The following PRTG variants were observed in gnomAD, a reference collection of about 807,000 sequenced individuals.
PRTG encodes immunoglobulin superfamily, DCC subclass, member 5.
In PRTG, 67 loss-of-function variants were observed where a neutral mutation model predicts 122.5. The ratio of observed to expected loss-of-function variants is 0.55; its 90% CI spans 0.45 to 0.67. The LOEUF is 0.67. Among genes scored for constraint, PRTG ranks in the 30% least tolerant of loss-of-function variants. PRTG has a pLI of 0.00. For missense variants in PRTG, 1,435 were observed against 1,415.4 expected (o/e 1.01, Z -0.22); for synonymous variants, 554 against 501.1 (o/e 1.11, Z -1.41).
At chr15:55,735,718 T>TAA (rs35182605) in intron 2 of PRTG, among the ~76,000 whole-genome samples, 3,009 of 114,146 alleles carry the variant, frequency 0.026, 75 homozygotes, top group Admixed American at 0.047. Context: ...CATGCTTTGC[T>TAA]AAAAAAAAAA....
intron 2 of PRTG, among the ~76,000 whole-genome samples, chr15:55,710,964 T>C (rs1595669543): frequency 6.6e-6 from 1 of 152,146 alleles, no homozygotes; most frequent in Middle Eastern, 3.4e-3. Flanking sequence ...TGGAGTACAA[T>C]GGCATGATCT....
chr15:55,738,440 T>G, intron 2 of PRTG: 1 of 700,632 alleles, frequency 1.4e-6, no homozygotes, highest in Non-Finnish European at 2.6e-6. Flanking sequence ...TGTGTGGTCA[T>G]GACAAATGCT....
intron 11 of PRTG, among the ~76,000 whole-genome samples, chr15:55,656,726 T>G (rs1005595043): frequency 6.6e-6 from 1 of 152,238 alleles, no homozygotes; most frequent in Non-Finnish European, 1.5e-5. Context: ...GCCAGGATGG[T>G]CTCGATCTCC....
intron 2 of PRTG, among the ~76,000 whole-genome samples, chr15:55,686,204 C>T (rs1005314416): frequency 2.0e-5 from 3 of 151,992 alleles, no homozygotes; most frequent in Admixed American, 6.6e-5. Context: ...CCTACATTTC[C>T]GTAAATATAA....
rs1384532780 is a variant in PRTG at position 55,642,509 on chromosome 15, T to TG, written c.2042-1302dup. ...GCACATGCCAGTAATCCCAGCTACTTGAGGAGACTAAGACAGGAGAATCGC... is the reference window on the plus strand; with the variant it reads ...GCACATGCCAGTAATCCCAGCTACTTGGAGGAGACTAAGACAGGAGAATCGC... On this transcript the variant is annotated intron_variant, in intron 11 of 19. Coordinates refer to ENST00000389286, the MANE Select transcript of PRTG (RefSeq NM_173814.6). 2.0e-5 allele frequency among the ~76,000 whole-genome samples: 3 copies of TG among 149,776 alleles called. No homozygotes were observed. In the Admixed American group the frequency reaches 2.0e-4, roughly 10 times the overall value.
intron 11 of PRTG, among the ~76,000 whole-genome samples, chr15:55,658,515 A>C (rs1174458398): frequency 1.3e-5 from 2 of 152,002 alleles, no homozygotes; most frequent in Non-Finnish European, 2.9e-5. Context: ...ATGGGGCTTC[A>C]CTATGTTGGC....
intron 17 of PRTG, among the ~76,000 whole-genome samples, chr15:55,624,874 T>C (rs1201048294): frequency 2.0e-5 from 3 of 152,224 alleles, no homozygotes; most frequent in African/African-American, 7.2e-5. Context: ...TTTAGAGTAG[T>C]ACTTCAAGAT....
Position 55,682,393 on chromosome 15 carries a change from C to T in PRTG, c.647G>A (p.Ser216Asn). 6.2e-7 allele frequency: 1 copy of T among 1,605,170 alleles called. No homozygotes were observed. The highest frequency in any genetic ancestry group is 8.5e-7 in the Non-Finnish European group (1 of 1,174,796). Residue 216 changes from serine to asparagine, a missense_variant, in exon 4 of 20, where the codon AGT becomes AAT. Ser to Asn is a conservative substitution (Grantham distance 46, BLOSUM62 1). Transcript: ENST00000389286. ...AATCACAGTTAGCGAGGCCTCCATA[C>T]TTTTACGTCGGTGGGCTACAGTGGC... ...IAATVAHRRK[S>N]MEASLTVIPA... is the part of the protein sequence containing the mutation.
intron 11 of PRTG, among the ~76,000 whole-genome samples, chr15:55,642,634 A>G (rs565416471): frequency 6.6e-6 from 1 of 151,994 alleles, no homozygotes; most frequent in Admixed American, 6.5e-5. Context: ...ACTCAAAAAT[A>G]ATATATTTGT....
intron 12 of PRTG, among the ~76,000 whole-genome samples, chr15:55,640,611 G>A (rs2059284126): frequency 1.3e-5 from 2 of 152,180 alleles, no homozygotes; most frequent in South Asian, 2.1e-4. Flanking sequence ...ATATTCAGTG[G>A]TTATTTTCCT....
chr15:55,701,354 G>A (rs1248450062), intron 2 of PRTG, among the ~76,000 whole-genome samples: 1 of 152,170 alleles, frequency 6.6e-6, no homozygotes, highest in East Asian at 1.9e-4. Context: ...GGCCAAGATG[G>A]TAAAACTCCC....
rs541610197 is a variant in PRTG at position 55,732,625 on chromosome 15, G to T, written c.397+7757C>A. ...TTCTCCTGCCTCAGCCTCCCGAGTA[G>T]CTAGGATTAAAGGCATGTGCCACCA... On this transcript the variant is annotated intron_variant, in intron 2 of 19. Transcript: ENST00000389286. Among the ~76,000 whole-genome samples the T allele has an allele frequency of 2.0e-5, 3 of 151,536 alleles. No homozygotes were observed. In the East Asian group the frequency reaches 5.9e-4, roughly 30 times the overall value.
At chr15:55,715,593 C>T (rs1264332953) in intron 2 of PRTG, among the ~76,000 whole-genome samples, 4 of 152,124 alleles carry the variant, frequency 2.6e-5, no homozygotes, top group Non-Finnish European at 4.4e-5. Context: ...ATCCCCTTTT[C>T]CTTAAAAGAA....
At position 55,683,795 on chromosome 15, in the gene PRTG, A is replaced by T; in HGVS notation, c.534T>A (p.Thr178=). 1 of 1,612,736 alleles carries T rather than the reference A, an allele frequency of 6.2e-7. No individual in the cohort carries two copies. The highest frequency in any genetic ancestry group is 1.3e-5 in the African/African-American group (1 of 74,988). ...WEFNRTTLPM[T]MDRITALPTG... ...CAAAAATCTACATCTACCTGTCCAT[A>T]GTCATAGGTAGAGTTGTCCGATTGA... The change falls in exon 3 of 20, where the codon ACT becomes ACA. Residue 178 remains threonine, a synonymous_variant. Transcript: ENST00000389286.
intron 10 of PRTG, 96 bp downstream of exon 10, chr15:55,673,274 TA>T: frequency 1.1e-6 from 1 of 948,358 alleles, no homozygotes; most frequent in Non-Finnish European, 1.5e-6. Flanking sequence ...TTTTTATTTG[TA>T]AAACAAAATT....
chr15:55,638,621 C>T lies in PRTG; in HGVS notation c.2380G>A (p.Ala794Thr), dbSNP rs371188175. 1 of 1,613,374 alleles carries T rather than the reference C, an allele frequency of 6.2e-7. No individual in the cohort carries two copies. Among genetic ancestry groups the T allele is most frequent in the African/African-American group, 1.3e-5 (1 of 74,852 alleles). ...AGCTGATCCACATGTAATCGAACGG[C>T]AAATTCGTATTTGGTGTTTGGTTCT... Reference protein sequence around the residue: ...GLEPNTKYEFAVRLHVDQLSS... With the variant: ...GLEPNTKYEFTVRLHVDQLSS... Residue 794 changes from alanine (A) to threonine (T), a missense_variant, in exon 14 of 20, where the codon GCC becomes ACC. Transcript: ENST00000389286.
intron 15 of PRTG, 27 bp downstream of exon 15, chr15:55,637,143 C>A: frequency 7.0e-7 from 1 of 1,435,120 alleles, no homozygotes; most frequent in South Asian, 1.7e-5. Flanking sequence ...GTACTTTTCA[C>A]CCTTCATGGC....
chr15:55,635,865 G>A (rs2059255223), intron 15 of PRTG, among the ~76,000 whole-genome samples: 1 of 152,082 alleles, frequency 6.6e-6, no homozygotes, highest in African/African-American at 2.4e-5. Context: ...ATAGTGTATA[G>A]GTGGCCACTA....
intron 15 of PRTG, among the ~76,000 whole-genome samples, chr15:55,634,211 G>A (rs2059243793): frequency 6.6e-6 from 1 of 151,738 alleles, no homozygotes; most frequent in South Asian, 2.1e-4. Context: ...GGGATTACAG[G>A]CGCCTGCCAC....
Sources: allele counts gnomAD v4.1 joint callset (sites outside exome capture counted in the v4.1 genomes callset), GRCh38; gene constraint gnomAD v4.1.1; transcripts MANE v1.5; gene names NCBI Gene and HGNC (gene_info 2026-07-23, HGNC 2026-07-21).